The following TDRD3 variants were observed in gnomAD, a reference collection of about 807,000 sequenced individuals.
The protein encoded by TDRD3 is tudor domain containing 3, also known as tudor domain-containing protein 3.
Under a neutral mutation model 86.7 loss-of-function variants are expected in TDRD3, and 45 were observed. The ratio of observed to expected loss-of-function variants is 0.52; its 90% CI spans 0.41 to 0.67. The LOEUF (loss-of-function observed/expected upper bound fraction) is 0.67, where lower values mean the gene tolerates loss of function less well. Among genes scored for constraint, TDRD3 ranks in the 30% least tolerant of loss-of-function variants. TDRD3 has a pLI of 0.00. For missense variants in TDRD3, 814 were observed against 889.0 expected (o/e 0.92, Z 1.07); for synonymous variants, 298 against 301.7 (o/e 0.99, Z 0.13).
chr13:60,474,703 T>G (rs1284143184), intron 5 of TDRD3, among the ~76,000 whole-genome samples: 1 of 152,222 alleles, frequency 6.6e-6, no homozygotes, highest in African/African-American at 2.4e-5. Context: ...ACGTTTTAAT[T>G]TTTTTCCCTT....
Position 60,567,575 on chromosome 13 carries a change from T to TGGCCAGCCAAGACGATCCACTC in TDRD3, c.2175_2196dup (p.Thr733AlafsTer27), listed in dbSNP as rs1175931017. On this transcript the variant is annotated frameshift_variant, in exon 13 of 14. Transcript: ENST00000377881. LOFTEE classifies it high-confidence loss of function. ...CTCTGGAGTTCCGTAGGGGAGGTGA[T>TGGCCAGCCAAGACGATCCACTC]GGCCAGCCAAGACGATCCACTCGGC... 1.9e-6 allele frequency: 3 copies of TGGCCAGCCAAGACGATCCACTC among 1,614,124 alleles called. No homozygotes were observed. Among genetic ancestry groups the TGGCCAGCCAAGACGATCCACTC allele is most frequent in the Non-Finnish European group, 8.5e-7 (1 of 1,180,032 alleles).
chr13:60,431,322 G>C (rs1954948327), intron 1 of TDRD3, among the ~76,000 whole-genome samples: 1 of 151,962 alleles, frequency 6.6e-6, no homozygotes, highest in Non-Finnish European at 1.5e-5. Context: ...AAGTAGTACA[G>C]CTTTCACAAT....
Position 60,469,302 on chromosome 13 carries a change from T to C in TDRD3, c.495+1923T>C, listed in dbSNP as rs560105012. ...TATTTTTTTAATCAGTAGAGATTTTTTAAAGTGTGGTAAAAAGTTCTCAAC... is the reference window on the plus strand; with the variant it reads ...TATTTTTTTAATCAGTAGAGATTTTCTAAAGTGTGGTAAAAAGTTCTCAAC... On this transcript the variant is annotated intron_variant, in intron 5 of 13. Transcript: ENST00000377881. Among the ~76,000 whole-genome samples the C allele has an allele frequency of 9.2e-5, 14 of 152,096 alleles. No homozygotes were observed. In the South Asian group the frequency reaches 2.1e-3, roughly 23 times the overall value.
chr13:60,452,002 A>G lies in TDRD3; in HGVS notation c.192+7254A>G, dbSNP rs1011300785. 2.6e-5 allele frequency among the ~76,000 whole-genome samples: 4 copies of G among 152,208 alleles called. No individual in the cohort carries two copies. The East Asian group carries it at 7.7e-4, about 29-fold the overall frequency. ...ATGCTGGTAAAATGCTTCTCTGAAG[A>G]GCAAAAAATAGCCCTGACACATAGC... On this transcript the variant is annotated intron_variant, in intron 3 of 13. Transcript: ENST00000377881.
intron 10 of TDRD3, among the ~76,000 whole-genome samples, chr13:60,525,360 G>C (rs1278040400): frequency 6.6e-6 from 1 of 151,178 alleles, no homozygotes; most frequent in Non-Finnish European, 1.5e-5. Flanking sequence ...TTTTAGTAGA[G>C]ACAGGGTTTC....
At chr13:60,438,482 C>T (rs890937379) in intron 1 of TDRD3, among the ~76,000 whole-genome samples, 5 of 151,962 alleles carry the variant, frequency 3.3e-5, no homozygotes, top group African/African-American at 1.2e-4. Context: ...TTTAATAGTA[C>T]CTCATTTTGT....
chr13:60,558,327 CAT>C (rs1376463958), intron 12 of TDRD3, among the ~76,000 whole-genome samples: 1 of 152,130 alleles, frequency 6.6e-6, no homozygotes, highest in African/African-American at 2.4e-5. Context: ...GTAAAAATGA[CAT>C]AAACTATGAG....
chr13:60,421,331 T>C (rs1332884859), intron 1 of TDRD3, among the ~76,000 whole-genome samples: 11 of 152,160 alleles, frequency 7.2e-5, no homozygotes, highest in Non-Finnish European at 1.2e-4. Flanking sequence ...AACTGCCCTT[T>C]ATAAAACAAT....
At chr13:60,529,988 T>G (rs984381845) in intron 11 of TDRD3, among the ~76,000 whole-genome samples, 1 of 152,126 alleles carries the variant, frequency 6.6e-6, no homozygotes, top group African/African-American at 2.4e-5. Flanking sequence ...CAACATGCTC[T>G]TCTATCAGCT....
intron 10 of TDRD3, among the ~76,000 whole-genome samples, chr13:60,526,469 G>A (rs748140219): frequency 8.6e-5 from 13 of 152,030 alleles, no homozygotes; most frequent in Non-Finnish European, 1.5e-4. Context: ...TATTCTTCCC[G>A]AAATCTTTAC....
Position 60,566,328 on chromosome 13 carries a change from A to G in TDRD3, c.2119-1197A>G, listed in dbSNP as rs17058229. Among the ~76,000 whole-genome samples, 23 of 152,172 alleles carry G rather than the reference A, an allele frequency of 1.5e-4. 1 individual carries two copies. Among genetic ancestry groups the G allele is most frequent in the Admixed American group, 1.3e-3 (20 of 15,284 alleles). On this transcript the variant is annotated intron_variant, in intron 12 of 13. Transcript: ENST00000377881. ...TGAGAATTATGTTCATGCCAAATTTAAAAATCATTGCTAAATAATAGGATT... is the reference window on the plus strand; with the variant it reads ...TGAGAATTATGTTCATGCCAAATTTGAAAATCATTGCTAAATAATAGGATT...
intron 2 of TDRD3, among the ~76,000 whole-genome samples, chr13:60,443,433 A>G (rs1487817663): frequency 3.3e-5 from 5 of 152,022 alleles, no homozygotes; most frequent in African/African-American, 1.2e-4. Context: ...TTTGCCATGC[A>G]GTTCTATTTA....
Position 60,528,480 on chromosome 13 carries a change from A to T in TDRD3, c.1255A>T (p.Arg419Trp), listed in dbSNP as rs1386161795. Residue 419 changes from arginine (R) to tryptophan (W), a missense_variant, in exon 11 of 14, where the codon AGG becomes TGG. By Grantham distance (101) the Arg-to-Trp change is moderately radical. Transcript: ENST00000377881. ...GAGACATCCTCCTCGAAATGATACCAGGCAGCCAAGAAATGAAAAACCGCC... is the reference window on the plus strand; with the variant it reads ...GAGACATCCTCCTCGAAATGATACCTGGCAGCCAAGAAATGAAAAACCGCC... ...HLRHPPRNDT[R>W]QPRNEKPPRF... 3 of 1,614,066 alleles carry T rather than the reference A, an allele frequency of 1.9e-6. No individual in the cohort carries two copies. The highest frequency in any genetic ancestry group is 4.5e-5 in the East Asian group (2 of 44,862).
chr13:60,519,342 A>C (rs9538734), intron 10 of TDRD3, among the ~76,000 whole-genome samples: 20,990 of 152,152 alleles, frequency 0.14, 1,529 homozygotes, highest in East Asian at 0.2. Context: ...CAGATAAGGA[A>C]ATAGGTTTGT....
At chr13:60,467,410 A>C (rs759632404) in intron 5 of TDRD3, 31 bp downstream of exon 5, 1 of 1,605,198 alleles carries the variant, frequency 6.2e-7, no homozygotes, top group South Asian at 1.1e-5. Context: ...GAACTTTTGA[A>C]ACATTACACT....
At chr13:60,428,981 G>GA (rs1313569402) in intron 1 of TDRD3, among the ~76,000 whole-genome samples, 3 of 151,868 alleles carry the variant, frequency 2.0e-5, no homozygotes, top group Non-Finnish European at 4.4e-5. Context: ...TCCTTCAATA[G>GA]AAAAAAATAT....
At chr13:60,519,192 T>C (rs989188692) in intron 10 of TDRD3, among the ~76,000 whole-genome samples, 4 of 152,192 alleles carry the variant, frequency 2.6e-5, no homozygotes, top group African/African-American at 9.7e-5. Context: ...TCCGTTCGCT[T>C]ATACATTTAT....
chr13:60,421,203 G>A (rs937145254), intron 1 of TDRD3, among the ~76,000 whole-genome samples: 1 of 149,920 alleles, frequency 6.7e-6, no homozygotes, highest in Non-Finnish European at 1.5e-5. Context: ...TAAAAAAAAA[G>A]AGGTTTAATG....
intron 1 of TDRD3, among the ~76,000 whole-genome samples, chr13:60,429,497 A>G (rs1213213450): frequency 1.3e-5 from 2 of 152,170 alleles, no homozygotes; most frequent in Non-Finnish European, 2.9e-5. Context: ...TTTGACATAA[A>G]TGGCAGGTTG....
Sources: gnomAD v4.1 joint callset for allele counts (sites outside exome capture counted in the v4.1 genomes callset) on GRCh38, gnomAD v4.1.1 for gene constraint, MANE v1.5 for transcripts, NCBI Gene and HGNC (gene_info 2026-07-23, HGNC 2026-07-21) for gene names.